Variants in RYR3 observed in about 807,000 individuals in gnomAD.
The protein encoded by RYR3 is ryanodine receptor 3.
A neutral mutation model predicts 584.3 loss-of-function variants in RYR3; 207 were observed. That is an observed-to-expected ratio of 0.35 (90% confidence interval 0.32 to 0.40). RYR3 has a LOEUF of 0.40. RYR3 is among the 10% of genes least tolerant of loss of function. The pLI, the probability that RYR3 is intolerant of heterozygous loss-of-function variation, is 1.00. For missense variants in RYR3, 5,616 were observed against 6,089.2 expected (o/e 0.92, Z 2.59); for synonymous variants, 2,416 against 2,248.5 (o/e 1.07, Z -2.11).
chr15:33,534,119 G>C lies in RYR3; in HGVS notation c.433+730G>C, dbSNP rs184515446. On this transcript the variant is annotated intron_variant, in intron 5 of 103. Coordinates refer to ENST00000634891, the MANE Select transcript of RYR3 (RefSeq NM_001036.6). ...AAGGTTTAAAAGGGTAGTAAAAATG[G>C]GCCGGGCACGGTGGCTCATGCCTGT... 1.9e-3 allele frequency among the ~76,000 whole-genome samples: 291 copies of C among 152,300 alleles called. 3 individuals are homozygous for C. The highest frequency in any genetic ancestry group is 4.8e-3 in the South Asian group (23 of 4,822).
chr15:33,513,339 C>G (rs938854324), intron 3 of RYR3, among the ~76,000 whole-genome samples: 2 of 152,204 alleles, frequency 1.3e-5, no homozygotes, highest in African/African-American at 4.8e-5. Flanking sequence ...TAGAGAAACC[C>G]TGATCTCAGC....
intron 1 of RYR3, among the ~76,000 whole-genome samples, chr15:33,324,525 C>T (rs796430711): frequency 4.6e-5 from 7 of 152,222 alleles, no homozygotes; most frequent in African/African-American, 1.4e-4. Context: ...TACCGCCTAC[C>T]TTTCTTCATC....
Position 33,819,753 on chromosome 15 carries a change from C to T in RYR3, c.10707-3C>T. ...TGCTAAATATTTCCTCCATTCTTTC[C>T]AGCAAATTGGAAGACGACCCTTTGT... On this transcript the variant is annotated splice_polypyrimidine_tract_variant and splice_region_variant and intron_variant, in intron 76 of 103. Coordinates refer to ENST00000634891, the MANE Select transcript of RYR3 (RefSeq NM_001036.6). 1 of 1,513,578 alleles carries T rather than the reference C, an allele frequency of 6.6e-7. No individual in the cohort carries two copies. Among genetic ancestry groups the T allele is most frequent in the Non-Finnish European group, 8.9e-7 (1 of 1,124,328 alleles). 93.8% of individuals were successfully genotyped at this position (1,513,578 alleles called of 1,614,324 possible). A position where few individuals can be genotyped will look rare whatever the true frequency, so the allele number is the denominator to read the frequency against.
At chr15:33,596,910 C>T (rs1218891460) in intron 16 of RYR3, among the ~76,000 whole-genome samples, 1 of 151,904 alleles carries the variant, frequency 6.6e-6, no homozygotes, top group Non-Finnish European at 1.5e-5. Flanking sequence ...CTTGTTCATT[C>T]CTGGGCATAG....
rs540628042 is a variant in RYR3, at chr15:33,507,283, C to A, written c.279+3545C>A. Reference sequence around the variant, plus strand: ...CCCTAATTTAACAGCAAAGAGGTTTCTTTATTATTTAAATGTCATTAGCTG... The same window carrying A: ...CCCTAATTTAACAGCAAAGAGGTTTATTTATTATTTAAATGTCATTAGCTG... On this transcript the variant is annotated intron_variant, in intron 3 of 103. Transcript: ENST00000634891. Among the ~76,000 whole-genome samples the A allele has an allele frequency of 1.4e-4, 21 of 152,276 alleles. No individual in the cohort carries two copies. The South Asian group carries it at 4.4e-3, about 32-fold the overall frequency.
chr15:33,778,148 C>A (rs569542402), intron 64 of RYR3, among the ~76,000 whole-genome samples: 10 of 137,988 alleles, frequency 7.2e-5, no homozygotes, highest in Non-Finnish European at 1.7e-4. Flanking sequence ...CCAGCCTGGG[C>A]GACAGAGCAA....
chr15:33,316,449 A>G (rs1245638038), intron 1 of RYR3, among the ~76,000 whole-genome samples: 1 of 152,192 alleles, frequency 6.6e-6, no homozygotes, highest in Non-Finnish European at 1.5e-5. Context: ...TTAATTTCCC[A>G]CAAGTTCATA....
intron 1 of RYR3, among the ~76,000 whole-genome samples, chr15:33,419,657 G>A (rs1596055492): frequency 6.6e-6 from 1 of 152,026 alleles, no homozygotes; most frequent in Admixed American, 6.6e-5. Flanking sequence ...CACGTTTTAG[G>A]GGCTTCATTT....
At chr15:33,802,362 GTACTCT>G (rs2152931981) in intron 69 of RYR3, among the ~76,000 whole-genome samples, 1 of 152,286 alleles carries the variant, frequency 6.6e-6, no homozygotes, top group South Asian at 2.1e-4. Flanking sequence ...TTGACAGCAC[GTACTCT>G]TACATCATGC....
chr15:33,393,064 T>C (rs2042099015), intron 1 of RYR3, among the ~76,000 whole-genome samples: 1 of 152,198 alleles, frequency 6.6e-6, no homozygotes, highest in Non-Finnish European at 1.5e-5. Context: ...GAATGGCTGC[T>C]ACCACCTCAT....
chr15:33,865,314 A>G lies in RYR3; in HGVS notation c.*88A>G. ...TTTACAGTTCTGCAACATATCTGAA[A>G]TGTGACATTTTCTAAATGCCTCCCT... On this transcript the variant is annotated 3_prime_UTR_variant, in exon 104 of 104. Transcript: ENST00000634891. 1 of 879,494 alleles carries G rather than the reference A, an allele frequency of 1.1e-6. No homozygotes were observed. Among genetic ancestry groups the G allele is most frequent in the African/African-American group, 1.7e-5 (1 of 58,990 alleles). 54.5% of individuals were successfully genotyped at this position (879,494 alleles called of 1,614,324 possible). A position where few individuals can be genotyped will look rare whatever the true frequency, so the allele number is the denominator to read the frequency against.
At chr15:33,840,391 C>G (rs939228281) in intron 89 of RYR3, among the ~76,000 whole-genome samples, 1 of 152,144 alleles carries the variant, frequency 6.6e-6, no homozygotes. Context: ...GAATTTTACT[C>G]TAACTGCAGT....
chr15:33,426,222 A>G (rs2044645512), intron 1 of RYR3, among the ~76,000 whole-genome samples: 1 of 152,224 alleles, frequency 6.6e-6, no homozygotes, highest in Non-Finnish European at 1.5e-5. Context: ...AATATCAGGA[A>G]TTGAATTAAT....
intron 1 of RYR3, among the ~76,000 whole-genome samples, chr15:33,381,044 C>G (rs1397190049): frequency 1.3e-5 from 2 of 152,174 alleles, no homozygotes; most frequent in Non-Finnish European, 1.5e-5. Flanking sequence ...AGTCTTCTGT[C>G]TCCTATCTTT....
chr15:33,811,553 A>T (rs1305639113), intron 72 of RYR3, among the ~76,000 whole-genome samples: 3 of 150,274 alleles, frequency 2.0e-5, no homozygotes, highest in South Asian at 2.1e-4. Context: ...CCCTTAATGT[A>T]TGTTTGTTTG....
intron 60 of RYR3, among the ~76,000 whole-genome samples, chr15:33,759,852 G>A (rs566158045): frequency 6.6e-6 from 1 of 152,232 alleles, no homozygotes; most frequent in East Asian, 1.9e-4. Context: ...GATTCACCAA[G>A]GTTGAAATGA....
intron 2 of RYR3, among the ~76,000 whole-genome samples, chr15:33,499,961 A>G (rs773023436): frequency 2.0e-5 from 3 of 152,336 alleles, no homozygotes; most frequent in East Asian, 3.9e-4. Context: ...GACGTGTTGA[A>G]TAACAGGCAG....
chr15:33,430,621 G>A (rs1324103663), intron 1 of RYR3, among the ~76,000 whole-genome samples: 1 of 152,186 alleles, frequency 6.6e-6, no homozygotes, highest in Non-Finnish European at 1.5e-5. Context: ...AATCCATTTG[G>A]TGGCGATGTG....
At chr15:33,313,015 A>C (rs1234619463) in intron 1 of RYR3, among the ~76,000 whole-genome samples, 2 of 152,342 alleles carry the variant, frequency 1.3e-5, no homozygotes, top group African/African-American at 4.8e-5. Flanking sequence ...TCAAGGACCC[A>C]GGTTCAGAGC....
Sources: allele counts gnomAD v4.1 joint callset (sites outside exome capture counted in the v4.1 genomes callset), GRCh38; gene constraint gnomAD v4.1.1; transcripts MANE v1.5; gene names NCBI Gene and HGNC (gene_info 2026-07-23, HGNC 2026-07-21).